SUGCT: variants seen among roughly 807,000 people sequenced by gnomAD.
The protein encoded by SUGCT is succinyl-CoA:glutarate CoA-transferase.
SUGCT carries 41 observed loss-of-function variants against 55.0 expected under a neutral mutation model. The ratio of observed to expected loss-of-function variants is 0.74; its 90% CI spans 0.58 to 0.97. The LOEUF is 0.97. SUGCT is among the 50% of genes least tolerant of loss of function. The pLI is 0.00. For synonymous variants in SUGCT, 187 were observed against 200.4 expected, an observed-to-expected ratio of 0.93 and a Z score of 0.56; for missense variants, 568 against 547.8, an observed-to-expected ratio of 1.04 and a Z score of -0.37.
intron 5 of SUGCT, among the ~76,000 whole-genome samples, chr7:40,193,809 C>T (rs1202118233): frequency 5.9e-5 from 9 of 151,960 alleles, no homozygotes; most frequent in Admixed American, 5.9e-4. Flanking sequence ...CCATGTTGGC[C>T]AGGCTGGTCT....
At chr7:40,632,621 A>C (rs1403104786) in intron 12 of SUGCT, among the ~76,000 whole-genome samples, 1 of 151,412 alleles carries the variant, frequency 6.6e-6, no homozygotes, top group Non-Finnish European at 1.5e-5. Flanking sequence ...AAGAAAAAGA[A>C]TGTTATGTAT....
chr7:40,161,577 A>G (rs1784147792), intron 1 of SUGCT, among the ~76,000 whole-genome samples: 2 of 152,232 alleles, frequency 1.3e-5, no homozygotes, highest in Admixed American at 6.5e-5. Context: ...TGTTTGCACT[A>G]AAGTCTTCCT....
the SUGCT span, among the ~76,000 whole-genome samples, chr7:40,905,393 T>C: frequency 6.6e-6 from 1 of 152,184 alleles, no homozygotes; most frequent in African/African-American, 2.4e-5. Flanking sequence ...TGAAAAGAGA[T>C]GATAAAAGGA....
chr7:40,624,838 G>A (rs962331378), intron 12 of SUGCT, among the ~76,000 whole-genome samples: 3 of 151,190 alleles, frequency 2.0e-5, no homozygotes, highest in Admixed American at 2.0e-4. Context: ...GCCAAGCTGA[G>A]CAGACCTTCT....
At chr7:40,298,360 T>G (rs1794309555) in intron 8 of SUGCT, among the ~76,000 whole-genome samples, 1 of 152,182 alleles carries the variant, frequency 6.6e-6, no homozygotes, top group African/African-American at 2.4e-5. Context: ...TGATTACTGT[T>G]AGGACAGTGT....
chr7:40,778,498 C>A (rs1462788564), intron 13 of SUGCT, among the ~76,000 whole-genome samples: 1 of 152,174 alleles, frequency 6.6e-6, no homozygotes, highest in African/African-American at 2.4e-5. Context: ...CAGAAGCACT[C>A]ATTTTTTCTG....
the SUGCT span, among the ~76,000 whole-genome samples, chr7:40,964,348 G>T: frequency 3.3e-5 from 5 of 152,168 alleles, no homozygotes; most frequent in Admixed American, 2.0e-4. Context: ...CATCTTATTT[G>T]CATGCATCAT....
At chr7:40,400,306 A>G (rs947468294) in intron 9 of SUGCT, among the ~76,000 whole-genome samples, 1 of 152,158 alleles carries the variant, frequency 6.6e-6, no homozygotes, top group Admixed American at 6.5e-5. Context: ...AAAGAGGTTT[A>G]TTTGGATTAT....
chr7:40,925,875 C>A, the SUGCT span, among the ~76,000 whole-genome samples: 9 of 152,218 alleles, frequency 5.9e-5, no homozygotes, highest in African/African-American at 2.2e-4. Context: ...GGGGGGACTG[C>A]TTGAGTCCAG....
chr7:40,530,913 A>G (rs1411309376), intron 12 of SUGCT, among the ~76,000 whole-genome samples: 4 of 152,338 alleles, frequency 2.6e-5, no homozygotes, highest in African/African-American at 9.6e-5. Flanking sequence ...GATAGAAGGC[A>G]TAGTTTAGGG....
intron 11 of SUGCT, among the ~76,000 whole-genome samples, chr7:40,479,696 T>G (rs1180599321): frequency 6.6e-6 from 1 of 152,170 alleles, no homozygotes. Context: ...TGTTATTTTT[T>G]TCTGATAGCA....
the SUGCT span, among the ~76,000 whole-genome samples, chr7:40,961,919 T>C: frequency 6.6e-6 from 1 of 152,084 alleles, no homozygotes; most frequent in Admixed American, 6.5e-5. Flanking sequence ...CTCATAAAGG[T>C]AGTGCAGACC....
chr7:40,324,401 A>G (rs58612672), intron 9 of SUGCT, among the ~76,000 whole-genome samples: 104,181 of 150,504 alleles, frequency 0.69, 36,364 homozygotes, highest in East Asian at 0.99. Context: ...GATTACAGAT[A>G]TACGTCACCA....
chr7:40,495,520 G>A (rs1791924130), intron 11 of SUGCT, among the ~76,000 whole-genome samples: 1 of 152,072 alleles, frequency 6.6e-6, no homozygotes, highest in Non-Finnish European at 1.5e-5. Flanking sequence ...TTGTGTTGTG[G>A]TGTCCCTATA....
rs567833673 is a variant in SUGCT, at chr7:40,611,176, C to T, written c.1089+114790C>T. Among the ~76,000 whole-genome samples the T allele has an allele frequency of 5.7e-4, 87 of 152,240 alleles. No homozygotes were observed. The Middle Eastern group carries it at 0.01, about 18-fold the overall frequency. On this transcript the variant is annotated intron_variant, in intron 12 of 13. Coordinates refer to ENST00000335693, the MANE Select transcript of SUGCT (RefSeq NM_001193313.2). ...TTTAGTAATATGTCTCCAGAATAAC[C>T]ATATGCTTTGAGGTATATTTCATTT...
chr7:40,399,942 G>C (rs750515567), intron 9 of SUGCT, among the ~76,000 whole-genome samples: 5 of 152,058 alleles, frequency 3.3e-5, no homozygotes, highest in Non-Finnish European at 7.4e-5. Flanking sequence ...CCAGCTACTT[G>C]GGAGGCTGAG....
At chr7:40,614,576 T>C (rs966938826) in intron 12 of SUGCT, among the ~76,000 whole-genome samples, 2 of 152,204 alleles carry the variant, frequency 1.3e-5, no homozygotes, top group East Asian at 3.8e-4. Flanking sequence ...TAATGGTAGT[T>C]GTGCTGTTTT....
chr7:40,995,947 G>A, the SUGCT span, among the ~76,000 whole-genome samples: 1 of 152,126 alleles, frequency 6.6e-6, no homozygotes, highest in Non-Finnish European at 1.5e-5. Context: ...CTTTTCTGGT[G>A]GTATCATACA....
At chr7:40,926,489 T>C in the SUGCT span, among the ~76,000 whole-genome samples, 1 of 152,098 alleles carries the variant, frequency 6.6e-6, no homozygotes, top group Non-Finnish European at 1.5e-5. Context: ...TAAGATAGTT[T>C]CTAGATTCAA....
Sources: allele counts gnomAD v4.1 joint callset (sites outside exome capture counted in the v4.1 genomes callset), GRCh38; gene constraint gnomAD v4.1.1; transcripts MANE v1.5; gene names NCBI Gene and HGNC (gene_info 2026-07-23, HGNC 2026-07-21).